Variants in ST8SIA4 observed in about 807,000 individuals in gnomAD.
ST8SIA4 encodes the protein ST8 alpha-N-acetyl-neuraminide alpha-2,8-sialyltransferase 4.
Under a neutral mutation model 33.9 loss-of-function variants are expected in ST8SIA4, and 15 were observed. The ratio of observed to expected loss-of-function variants is 0.44; its 90% confidence interval spans 0.30 to 0.68. The LOEUF (loss-of-function observed/expected upper bound fraction) is 0.68, where lower values mean the gene tolerates loss of function less well. Among genes scored for constraint, ST8SIA4 ranks in the 30% least tolerant of loss-of-function variants. The pLI, the probability that ST8SIA4 is intolerant of heterozygous loss-of-function variation, is 0.10. For synonymous variants in ST8SIA4, 171 were observed against 151.2 expected (o/e 1.13, Z -0.96); for missense variants, 321 against 428.0 (o/e 0.75, Z 2.21).
intron 4 of ST8SIA4, among the ~76,000 whole-genome samples, chr5:100,852,571 A>G (rs1484119378): frequency 6.6e-6 from 1 of 152,144 alleles, no homozygotes; most frequent in Non-Finnish European, 1.5e-5. Flanking sequence ...TTAAACTTGC[A>G]ATTTATATAT....
intron 3 of ST8SIA4, among the ~76,000 whole-genome samples, chr5:100,880,036 T>A (rs1037948968): frequency 1.3e-5 from 2 of 152,142 alleles, no homozygotes; most frequent in Non-Finnish European, 2.9e-5. Context: ...CAAGGTGGGA[T>A]GGATGACGGA....
At chr5:100,874,373 T>C (rs1434701790) in intron 3 of ST8SIA4, among the ~76,000 whole-genome samples, 1 of 152,064 alleles carries the variant, frequency 6.6e-6, no homozygotes, top group African/African-American at 2.4e-5. Context: ...GAAAACTAAA[T>C]ATAGAAAAGC....
intron 4 of ST8SIA4, among the ~76,000 whole-genome samples, chr5:100,837,420 C>A (rs1751386014): frequency 6.6e-6 from 1 of 152,056 alleles, no homozygotes; most frequent in Middle Eastern, 3.4e-3. Flanking sequence ...TATTCTAATA[C>A]ATGAGATAGA....
intron 4 of ST8SIA4, among the ~76,000 whole-genome samples, chr5:100,842,353 A>G (rs549566791): frequency 7.9e-5 from 12 of 152,008 alleles, no homozygotes; most frequent in African/African-American, 2.9e-4. Context: ...TCTTCCTGGT[A>G]GCGACGTTTA....
At chr5:100,841,523 A>G (rs957302164) in intron 4 of ST8SIA4, among the ~76,000 whole-genome samples, 5 of 151,894 alleles carry the variant, frequency 3.3e-5, no homozygotes, top group Non-Finnish European at 7.4e-5. Context: ...AGGGTATTTA[A>G]ACACTAGAAA....
chr5:100,900,252 G>A (rs1206280734), intron 1 of ST8SIA4: 1 of 356,384 alleles, frequency 2.8e-6, no homozygotes, highest in Admixed American at 3.6e-5. Context: ...GCCCTTCTTT[G>A]AAACTGCTGC....
rs1750819631 is a variant in ST8SIA4 at position 100,811,698 on chromosome 5, A to G, written c.*149T>C. ...TAGAGCACTTTGCAGGTATTTCATC[A>G]GCTGGTAGTCGATTTCTCATGAACG... is the stretch of plus-strand genomic sequence containing the variant. On this transcript the variant is annotated 3_prime_UTR_variant, in exon 5 of 5. Coordinates refer to ENST00000231461, the MANE Select transcript of ST8SIA4 (RefSeq NM_005668.6). 1 of 778,058 alleles carries G rather than the reference A, an allele frequency of 1.3e-6. No homozygotes were observed. The highest frequency in any genetic ancestry group is 2.7e-5 in the East Asian group (1 of 36,804). The allele number at this position is 778,058 out of a possible 1,614,324, so 48.2% of individuals were successfully genotyped here. A position where few individuals can be genotyped will look rare whatever the true frequency, so the allele number is the denominator to read the frequency against.
At chr5:100,888,476 C>T (rs1268536667) in intron 2 of ST8SIA4, among the ~76,000 whole-genome samples, 1 of 151,904 alleles carries the variant, frequency 6.6e-6, no homozygotes, top group Non-Finnish European at 1.5e-5. Context: ...GAAAACGCTA[C>T]ACCTAGTTTG....
chr5:100,864,462 C>T (rs552530254), intron 3 of ST8SIA4, among the ~76,000 whole-genome samples: 1 of 151,832 alleles, frequency 6.6e-6, no homozygotes, highest in African/African-American at 2.4e-5. Flanking sequence ...GCAGTCCCAG[C>T]CACTTGGGAG....
intron 4 of ST8SIA4, among the ~76,000 whole-genome samples, chr5:100,834,516 TA>T (rs1363003867): frequency 6.6e-6 from 1 of 152,176 alleles, no homozygotes; most frequent in Non-Finnish European, 1.5e-5. Context: ...TATTGTTTAT[TA>T]CTTTTTCTCT....
chr5:100,901,962 A>T (rs978346058), intron 1 of ST8SIA4, among the ~76,000 whole-genome samples: 5 of 152,178 alleles, frequency 3.3e-5, no homozygotes, highest in Admixed American at 3.3e-4. Context: ...GTAGTTTCTG[A>T]TAGAGGACGC....
At position 100,856,157 on chromosome 5, in the gene ST8SIA4, T is replaced by G. The variant is rs1371723515; in HGVS notation, c.743A>C (p.Lys248Thr). 9.9e-6 allele frequency: 16 copies of G among 1,613,988 alleles called. No individual in the cohort carries two copies. Among genetic ancestry groups the G allele is most frequent in the African/African-American group, 1.3e-5 (1 of 74,908 alleles). ...EWVNALILKN[K>T]LKVRTAYPSL... ...CGGATAGGCAGTTCGCACTTTCAGTTTATTCTTAAGGATTAATGCATTAAC... is the reference window on the plus strand; with the variant it reads ...CGGATAGGCAGTTCGCACTTTCAGTGTATTCTTAAGGATTAATGCATTAAC... Residue 248 changes from lysine to threonine, a missense_variant, in exon 4 of 5, where the codon AAA becomes ACA. Transcript: ENST00000231461.
At chr5:100,877,691 G>C (rs1049110487) in intron 3 of ST8SIA4, among the ~76,000 whole-genome samples, 1 of 152,162 alleles carries the variant, frequency 6.6e-6, no homozygotes, top group East Asian at 1.9e-4. Context: ...GGAAAACGTA[G>C]TACCAGAAGA....
At chr5:100,901,804 G>A (rs535832318) in intron 1 of ST8SIA4, among the ~76,000 whole-genome samples, 1 of 152,324 alleles carries the variant, frequency 6.6e-6, no homozygotes, top group African/African-American at 2.4e-5. Context: ...AAGAAATGGA[G>A]TGCAGGAAGT....
At position 100,886,507 on chromosome 5, in the gene ST8SIA4, G is replaced by T; in HGVS notation, c.339C>A (p.Asp113Glu). ...GAGAAATGTTTAGTGTCCGGCGCCT[G>T]TCAAGCACATAGTGTATGACATCAC... ...KPGDVIHYVLDRRRTLNISHD... is the reference protein window; with the variant it reads ...KPGDVIHYVLERRRTLNISHD... Residue 113 changes from aspartate to glutamate, a missense_variant, in exon 3 of 5, where the codon GAC (aspartate) becomes GAA (glutamate). Coordinates refer to ENST00000231461, the MANE Select transcript of ST8SIA4 (RefSeq NM_005668.6). 6.2e-7 allele frequency: 1 copy of T among 1,613,910 alleles called. No homozygotes were observed. The highest frequency in any genetic ancestry group is 1.1e-5 in the South Asian group (1 of 91,082).
intron 4 of ST8SIA4, among the ~76,000 whole-genome samples, chr5:100,853,418 C>T (rs191794914): frequency 6.6e-6 from 1 of 152,230 alleles, no homozygotes; most frequent in African/African-American, 2.4e-5. Flanking sequence ...AACTCAATAC[C>T]TTGACACTTT....
chr5:100,841,012 C>A (rs1410498305), intron 4 of ST8SIA4, among the ~76,000 whole-genome samples: 1 of 151,640 alleles, frequency 6.6e-6, no homozygotes, highest in Non-Finnish European at 1.5e-5. Flanking sequence ...CCTGTGCACA[C>A]CAAGTTAAAT....
intron 1 of ST8SIA4, among the ~76,000 whole-genome samples, chr5:100,900,641 A>G (rs1437810538): frequency 1.3e-5 from 2 of 152,038 alleles, no homozygotes; most frequent in Non-Finnish European, 2.9e-5. Flanking sequence ...AGGACGCTAC[A>G]GGGCACGGGT....
Position 100,808,485 on chromosome 5 carries a change from A to G in ST8SIA4, c.*3362T>C, listed in dbSNP as rs1003907001. The G allele has an allele frequency of 3.9e-5, 6 of 152,606 alleles. No individual in the cohort carries two copies. Among genetic ancestry groups the G allele is most frequent in the African/African-American group, 1.4e-4 (6 of 41,466 alleles). 9.5% of individuals were successfully genotyped at this position (152,606 alleles called of 1,614,324 possible). ...CAGCACAGGCTGAATAATAATGATG[A>G]AAATGTTTCCATGGTCTATTCATGT... On this transcript the variant is annotated 3_prime_UTR_variant, in exon 5 of 5. Transcript: ENST00000231461.
Sources: gnomAD v4.1 joint callset for allele counts (sites outside exome capture counted in the v4.1 genomes callset) on GRCh38, gnomAD v4.1.1 for gene constraint, MANE v1.5 for transcripts, NCBI Gene and HGNC (gene_info 2026-07-23, HGNC 2026-07-21) for gene names.